Variants in PLEKHG3 observed in about 807,000 individuals in gnomAD.
PLEKHG3 encodes pleckstrin homology domain-containing family G member 3.
PLEKHG3 carries 62 observed loss-of-function variants against 94.9 expected under a neutral mutation model. The ratio of observed to expected loss-of-function variants is 0.65; its 90% CI spans 0.53 to 0.81. The LOEUF is 0.81. Among genes scored for constraint, PLEKHG3 ranks in the 30% least tolerant of loss-of-function variants. PLEKHG3 has a pLI of 0.00. For synonymous variants in PLEKHG3, 614 were observed against 654.0 expected (o/e 0.94, Z 0.93); for missense variants, 1,461 against 1,619.3 (o/e 0.90, Z 1.68).
At position 64,717,884 on chromosome 14, in the gene PLEKHG3, C is replaced by T. The variant is rs1035282089; in HGVS notation, c.-39-9709C>T. Among the ~76,000 whole-genome samples the T allele has an allele frequency of 6.6e-6, 1 of 152,240 alleles. No homozygotes were observed. The highest frequency in any genetic ancestry group is 2.4e-5 in the African/African-American group (1 of 41,472). On this transcript the variant is annotated intron_variant, in intron 1 of 16. Transcript: ENST00000247226. The surrounding 1 kb of genome is among the most constrained non-coding windows in gnomAD (Gnocchi z 4.7). ...CACCTCGTCTCATGGAGCCCCATTT[C>T]CACGTGTCTTGGTAGTTGTTCTTCC...
chr14:64,705,954 C>T (rs866610275), intron 1 of PLEKHG3, among the ~76,000 whole-genome samples: 10 of 152,330 alleles, frequency 6.6e-5, no homozygotes, highest in Middle Eastern at 3.4e-3. Flanking sequence ...GTCCTCCACT[C>T]CCTTCCTGGA....
intron 1 of PLEKHG3, among the ~76,000 whole-genome samples, chr14:64,707,915 G>A (rs1410901808): frequency 6.6e-6 from 1 of 152,194 alleles, no homozygotes; most frequent in Non-Finnish European, 1.5e-5. Context: ...CGGCATCATG[G>A]CAATGTACAG....
At position 64,731,181 on chromosome 14, in the gene PLEKHG3, C is replaced by T. The variant is rs1157630094; in HGVS notation, c.849+12C>T. 7.3e-7 allele frequency: 1 copy of T among 1,377,598 alleles called. No homozygotes were observed. Among genetic ancestry groups the T allele is most frequent in the Admixed American group, 1.7e-5 (1 of 57,402 alleles). The allele number at this position is 1,377,598 out of a possible 1,614,324, so 85.3% of individuals were successfully genotyped here. On this transcript the variant is annotated intron_variant, in intron 7 of 16. Coordinates refer to ENST00000247226, the MANE Select transcript of PLEKHG3 (RefSeq NM_001308147.2). The surrounding 1 kb of genome is among the most constrained non-coding windows in gnomAD (Gnocchi z 6.1). ...CGGTCCGGCTCCAGGTGCTCTGGGGCTGGGACGCTGGGGGAGGGGCAGGGC... is the reference window on the plus strand; with the variant it reads ...CGGTCCGGCTCCAGGTGCTCTGGGGTTGGGACGCTGGGGGAGGGGCAGGGC...
chr14:64,714,907 A>G (rs958880396), intron 1 of PLEKHG3, among the ~76,000 whole-genome samples: 1 of 152,192 alleles, frequency 6.6e-6, no homozygotes, highest in Non-Finnish European at 1.5e-5. Context: ...CTGGGGGGAA[A>G]AAAGCACAAA....
chr14:64,743,386 T>C lies in PLEKHG3; in HGVS notation c.3343T>C (p.Ser1115Pro). 1 of 1,608,098 alleles carries C rather than the reference T, an allele frequency of 6.2e-7. No individual in the cohort carries two copies. Among genetic ancestry groups the C allele is most frequent in the Non-Finnish European group, 8.5e-7 (1 of 1,176,642 alleles). Residue 1115 changes from serine to proline, a missense_variant, in exon 17 of 17, where the codon TCC becomes CCC. Coordinates refer to ENST00000247226, the MANE Select transcript of PLEKHG3 (RefSeq NM_001308147.2). The surrounding 1 kb of genome is among the most constrained non-coding windows in gnomAD (Gnocchi z 7.2). ...CCGGGGAGGCGGAGAGGCTGCCCAA[T>C]CCCCTGGGCCTCTGCCCCAGAGCAA... ...RGRGGGEAAQSPGPLPQSKPD... is the reference protein window; with the variant it reads ...RGRGGGEAAQPPGPLPQSKPD...
intron 1 of PLEKHG3, among the ~76,000 whole-genome samples, chr14:64,714,833 C>T (rs1228905759): frequency 6.6e-6 from 1 of 152,198 alleles, no homozygotes; most frequent in Non-Finnish European, 1.5e-5. Context: ...TGTGTGCTTC[C>T]ACCTTCTGGC....
chr14:64,709,895 G>C (rs2081040979), intron 1 of PLEKHG3, among the ~76,000 whole-genome samples: 1 of 152,166 alleles, frequency 6.6e-6, no homozygotes, highest in Non-Finnish European at 1.5e-5. Flanking sequence ...ACCCTACTGT[G>C]TGACGAGACC....
intron 1 of PLEKHG3, among the ~76,000 whole-genome samples, chr14:64,724,365 C>T (rs1314483717): frequency 6.6e-6 from 1 of 152,096 alleles, no homozygotes; most frequent in Non-Finnish European, 1.5e-5. Flanking sequence ...CTTTCTTGGG[C>T]TCTTGGCTCT....
chr14:64,707,725 A>G (rs1299786533), intron 1 of PLEKHG3, among the ~76,000 whole-genome samples: 2 of 152,312 alleles, frequency 1.3e-5, no homozygotes, highest in South Asian at 4.1e-4. Flanking sequence ...TGCCTTTTCT[A>G]ACTTGAAGCC....
chr14:64,722,608 T>C lies in PLEKHG3; in HGVS notation c.-39-4985T>C, dbSNP rs2081281294. Among the ~76,000 whole-genome samples, 1 of 152,178 alleles carries C rather than the reference T, an allele frequency of 6.6e-6. No individual in the cohort carries two copies. The highest frequency in any genetic ancestry group is 1.5e-5 in the Non-Finnish European group (1 of 68,036). Reference sequence around the variant, plus strand: ...GCTGCCCCATGGGGACCCTCCTTGCTCGTTTTCTGCCTGGCTCCAAAGCAG... The same window carrying C: ...GCTGCCCCATGGGGACCCTCCTTGCCCGTTTTCTGCCTGGCTCCAAAGCAG... On this transcript the variant is annotated intron_variant, in intron 1 of 16. Transcript: ENST00000247226. This position sits in a 1 kb window ranked among gnomAD's most constrained non-coding sequence, Gnocchi z 4.3.
rs979701631 is a variant in PLEKHG3, at chr14:64,749,228, G to A, written c.*5525G>A. The A allele has an allele frequency of 1.7e-5, 25 of 1,498,988 alleles. No homozygotes were observed. The highest frequency in any genetic ancestry group is 5.0e-5 in the East Asian group (2 of 40,226). 92.9% of individuals were successfully genotyped at this position (1,498,988 alleles called of 1,614,324 possible). On this transcript the variant is annotated 3_prime_UTR_variant, in exon 17 of 17. Transcript: ENST00000247226. This position sits in a 1 kb window ranked among gnomAD's most constrained non-coding sequence, Gnocchi z 4.7. Reference sequence around the variant, plus strand: ...ACTCATCTCGATTCGACCGGCGGGCGGCGGCGAGAGGAGGCCAAGGCCTGG... The same window carrying A: ...ACTCATCTCGATTCGACCGGCGGGCAGCGGCGAGAGGAGGCCAAGGCCTGG...
chr14:64,732,351 G>T lies in PLEKHG3; in HGVS notation c.1213-76G>T. The T allele has an allele frequency of 7.1e-7, 1 of 1,405,994 alleles. No homozygotes were observed. Among genetic ancestry groups the T allele is most frequent in the Middle Eastern group, 1.8e-4 (1 of 5,664 alleles). 87.1% of individuals were successfully genotyped at this position (1,405,994 alleles called of 1,614,324 possible). ...CAGCACTGTGGGGTGTCCTCGTACA[G>T]CAACAGTGGGTCCTATGGGCAGGGA... On this transcript the variant is annotated intron_variant, in intron 10 of 16. Transcript: ENST00000247226. The surrounding 1 kb of genome is among the most constrained non-coding windows in gnomAD (Gnocchi z 4.9).
chr14:64,750,196 G>A lies in PLEKHG3; in HGVS notation c.*6493G>A, dbSNP rs1019954403. 16 of 1,597,676 alleles carry A rather than the reference G, an allele frequency of 1.0e-5. No individual in the cohort carries two copies. Among genetic ancestry groups the A allele is most frequent in the East Asian group, 6.7e-5 (3 of 44,590 alleles). ...AGGCAGGTCACCCACATCCTGATAT[G>A]GTATCTCTAGAGTCAATTCCTATAG... On this transcript the variant is annotated 3_prime_UTR_variant, in exon 17 of 17. Coordinates refer to ENST00000247226, the MANE Select transcript of PLEKHG3 (RefSeq NM_001308147.2).
Position 64,738,839 on chromosome 14 carries a change from T to C in PLEKHG3, c.1502T>C (p.Ile501Thr), listed in dbSNP as rs1029233503. Residue 501 changes from isoleucine to threonine, a missense_variant, in exon 15 of 17, where the codon ATT becomes ACT. Coordinates refer to ENST00000247226, the MANE Select transcript of PLEKHG3 (RefSeq NM_001308147.2). The surrounding 1 kb of genome is among the most constrained non-coding windows in gnomAD (Gnocchi z 4.8). ...GAGAAGCGCATGAGCTTCGAGTCCA[T>C]TTCTTCCCTGCCAGAGGTGAGCGAC... Reference protein sequence around the residue: ...STEKRMSFESISSLPEVEPDP... With the variant: ...STEKRMSFESTSSLPEVEPDP... 6.3e-7 allele frequency: 1 copy of C among 1,584,204 alleles called. No individual in the cohort carries two copies. The highest frequency in any genetic ancestry group is 8.6e-7 in the Non-Finnish European group (1 of 1,163,882).
At position 64,741,549 on chromosome 14, in the gene PLEKHG3, G is replaced by C; in HGVS notation, c.2032G>C (p.Glu678Gln). Reference sequence around the variant, plus strand: ...GGACATCAGTGTGGGGGTGGCCACAGAGGACAGCCCTTCTGTCAATGGGAT... The same window carrying C: ...GGACATCAGTGTGGGGGTGGCCACACAGGACAGCCCTTCTGTCAATGGGAT... ...EVDISVGVAT[E>Q]DSPSVNGMEP... The change falls in exon 16 of 17, where the codon GAG becomes CAG. Residue 678 changes from glutamate to glutamine, a missense_variant. Physicochemically the swap from Glu to Gln is conservative, Grantham distance 29. This residue lies in a region of PLEKHG3 where 1,201 missense variants were observed against 1,295.5 expected (regional missense o/e 0.93). Transcript: ENST00000247226. The C allele has an allele frequency of 6.2e-7, 1 of 1,612,992 alleles. No homozygotes were observed. Among genetic ancestry groups the C allele is most frequent in the South Asian group, 1.1e-5 (1 of 91,074 alleles).
rs528207062 is a variant in PLEKHG3, at chr14:64,717,224, C to A, written c.-39-10369C>A. 6.6e-6 allele frequency among the ~76,000 whole-genome samples: 1 copy of A among 152,070 alleles called. No individual in the cohort carries two copies. Among genetic ancestry groups the A allele is most frequent in the Non-Finnish European group, 1.5e-5 (1 of 67,978 alleles). ...CAGGCACCAAGCCCAAGGTCAGAGCCCAGGGCAAAGAAAGGGGATGTGTTG... is the reference window on the plus strand; with the variant it reads ...CAGGCACCAAGCCCAAGGTCAGAGCACAGGGCAAAGAAAGGGGATGTGTTG... On this transcript the variant is annotated intron_variant, in intron 1 of 16. Transcript: ENST00000247226. The surrounding 1 kb of genome is among the most constrained non-coding windows in gnomAD (Gnocchi z 4.7).
rs1328750612 is a variant in PLEKHG3 at position 64,727,680 on chromosome 14, G to C, written c.49G>C (p.Val17Leu). The C allele has an allele frequency of 4.3e-6, 7 of 1,612,438 alleles. No individual in the cohort carries two copies. Among genetic ancestry groups the C allele is most frequent in the African/African-American group, 1.3e-5 (1 of 74,904 alleles). Residue 17 changes from valine (V) to leucine (L), a missense_variant, in exon 2 of 17, where the codon GTG becomes CTG. By Grantham distance (32) the Val-to-Leu change is conservative. Transcript: ENST00000247226. This position sits in a 1 kb window ranked among gnomAD's most constrained non-coding sequence, Gnocchi z 6.0. The stretch of plus-strand genomic sequence containing the variant: ...CCAGGATGGCAGCCAGGAGCGGCCG[G>C]TGAGCCTGACCTCTACCACCTCCTC... ...LHQDGSQERP[V>L]SLTSTTSSSG... is the part of the protein sequence containing the mutation.
At chr14:64,706,665 A>T (rs1257705722) in intron 1 of PLEKHG3, among the ~76,000 whole-genome samples, 1 of 152,214 alleles carries the variant, frequency 6.6e-6, no homozygotes, top group African/African-American at 2.4e-5. Flanking sequence ...TGTTTAAAAC[A>T]CCCTGGTCTT....
In PLEKHG3 at chr14:64,748,732, C is replaced by T. The variant is rs934210237; in HGVS notation, c.*5029C>T. ...CCTGCACCCAGTCTGGTCCCCTCAG[C>T]CCCCCAGAGCCCCTGGCCCAGAGCT... On this transcript the variant is annotated 3_prime_UTR_variant, in exon 17 of 17. Coordinates refer to ENST00000247226, the MANE Select transcript of PLEKHG3 (RefSeq NM_001308147.2). 7.1e-5 allele frequency: 11 copies of T among 154,188 alleles called. No homozygotes were observed. The highest frequency in any genetic ancestry group is 1.4e-4 in the Non-Finnish European group (10 of 69,672). 9.6% of individuals were successfully genotyped at this position (154,188 alleles called of 1,614,324 possible).
Sources: gnomAD v4.1 joint callset for allele counts (sites outside exome capture counted in the v4.1 genomes callset) on GRCh38, gnomAD v4.1.1 for gene constraint, gnomAD v4.1.1 regional missense constraint, Gnocchi (gnomAD v3.1) non-coding constraint, MANE v1.5 for transcripts, NCBI Gene and HGNC (gene_info 2026-07-23, HGNC 2026-07-21) for gene names.